Variants in VWA8 observed in about 807,000 individuals in gnomAD.
VWA8 encodes von Willebrand factor A domain containing 8, also known as von Willebrand factor A domain-containing protein 8.
In VWA8, 221 loss-of-function variants were observed where a neutral mutation model predicts 241.5. The ratio of observed to expected loss-of-function variants is 0.91; its 90% CI spans 0.82 to 1.02. VWA8 has a LOEUF of 1.02. Among genes scored for constraint, VWA8 ranks in the 50% least tolerant of loss-of-function variants. VWA8 has a pLI of 0.00. For missense variants in VWA8, 2,322 were observed against 2,328.7 expected (o/e 1.00, Z 0.06); for synonymous variants, 852 against 827.1 (o/e 1.03, Z -0.52).
At chr13:41,726,909 C>T (rs1396789866) in intron 24 of VWA8, among the ~76,000 whole-genome samples, 6 of 152,058 alleles carry the variant, frequency 3.9e-5, no homozygotes, top group Admixed American at 2.0e-4. Context: ...GCAGAAGAAT[C>T]GCTTGAACCC....
Position 41,587,629 on chromosome 13 carries a change from C to A in VWA8, c.5154G>T (p.Val1718=). The A allele has an allele frequency of 1.2e-6, 2 of 1,614,168 alleles. No homozygotes were observed. The highest frequency in any genetic ancestry group is 1.7e-6 in the Non-Finnish European group (2 of 1,180,024). Residue 1718 remains valine (V), a synonymous_variant, in exon 42 of 45, where the codon GTG becomes GTT. Transcript: ENST00000379310. ...PQQKPKRLRL[V]VDVSGSMYRF... is the part of the protein sequence containing the mutation. Reference sequence around the variant, plus strand: ...GGTACATGCTACCAGACACATCTACCACCAGGCGCAGACGCTTGGGTTTCT... The same window carrying A: ...GGTACATGCTACCAGACACATCTACAACCAGGCGCAGACGCTTGGGTTTCT...
chr13:41,573,486 A>AAATAAATAAATAAATAAATATATATATAT, intron 43 of VWA8, among the ~76,000 whole-genome samples: 4 of 113,614 alleles, frequency 3.5e-5, no homozygotes, highest in African/African-American at 1.4e-4. Context: ...AAAAAAAAAA[A>AAATAAATAAATAAATAAATATATATATAT]ATATATATAT....
At chr13:41,895,831 C>CTTTTTTTTTTTTTTT (rs59080554) in intron 4 of VWA8, among the ~76,000 whole-genome samples, 13 of 130,018 alleles carry the variant, frequency 1.0e-4, no homozygotes, top group Non-Finnish European at 1.5e-4. Context: ...TGCAAATTTT[C>CTTTTTTTTTTTTTTT]TTTTTTTTTT....
At chr13:41,627,366 A>G (rs992172787) in intron 37 of VWA8, among the ~76,000 whole-genome samples, 1 of 152,100 alleles carries the variant, frequency 6.6e-6, no homozygotes, top group Non-Finnish European at 1.5e-5. Context: ...GTTTTGTCCA[A>G]TTCTTTGTTC....
At chr13:41,959,147 AT>A (rs1878474162) in intron 1 of VWA8, among the ~76,000 whole-genome samples, 1 of 152,234 alleles carries the variant, frequency 6.6e-6, no homozygotes, top group South Asian at 2.1e-4. Context: ...CATACTAAGA[AT>A]AAAAAAGCTA....
intron 42 of VWA8, among the ~76,000 whole-genome samples, chr13:41,585,529 A>G (rs1187682398): frequency 2.0e-5 from 3 of 152,180 alleles, no homozygotes; most frequent in Non-Finnish European, 4.4e-5. Flanking sequence ...GAATCTGCCA[A>G]TTTTAATGGT....
At position 41,775,921 on chromosome 13, in the gene VWA8, T is replaced by C. The variant is rs115059644; in HGVS notation, c.2349+2064A>G. Among the ~76,000 whole-genome samples the C allele has an allele frequency of 4.6e-3, 702 of 152,244 alleles. 3 individuals are homozygous for C. The highest frequency in any genetic ancestry group is 0.024 in the Middle Eastern group (7 of 294). On this transcript the variant is annotated intron_variant, in intron 20 of 44. Coordinates refer to ENST00000379310, the MANE Select transcript of VWA8 (RefSeq NM_015058.2). ...CTCTGGTTACTGGCTAGGCATTAAC[T>C]TCAACCTTTTAAACTAGAAGACCCT...
rs555477949 is a variant in VWA8 at position 41,768,707 on chromosome 13, T to C, written c.2350-7503A>G. 3.7e-4 allele frequency among the ~76,000 whole-genome samples: 57 copies of C among 152,294 alleles called. 1 individual carries two copies. In the South Asian group the frequency reaches 0.012, roughly 31 times the overall value. ...AGTTACTTTTATAATATTTCCTCAATGGAAGTTCATCAATATTGGTATAAT... is the reference window on the plus strand; with the variant it reads ...AGTTACTTTTATAATATTTCCTCAACGGAAGTTCATCAATATTGGTATAAT... On this transcript the variant is annotated intron_variant, in intron 20 of 44. Transcript: ENST00000379310.
chr13:41,779,877 T>C (rs893002154), intron 19 of VWA8, among the ~76,000 whole-genome samples: 1 of 152,244 alleles, frequency 6.6e-6, no homozygotes, highest in African/African-American at 2.4e-5. Flanking sequence ...TCTAACTAGA[T>C]TATTCAAGTC....
intron 2 of VWA8, among the ~76,000 whole-genome samples, chr13:41,919,821 C>T (rs1876428241): frequency 6.6e-6 from 1 of 152,084 alleles, no homozygotes; most frequent in African/African-American, 2.4e-5. Flanking sequence ...ACACTGTACC[C>T]TGCCTCTCAG....
At chr13:41,695,098 T>C (rs751929948) in intron 29 of VWA8, among the ~76,000 whole-genome samples, 1 of 152,158 alleles carries the variant, frequency 6.6e-6, no homozygotes, top group Non-Finnish European at 1.5e-5. Flanking sequence ...AACTGTGGCT[T>C]TGGCACTCCT....
chr13:41,582,862 G>C (rs1050161241), intron 42 of VWA8, among the ~76,000 whole-genome samples: 1 of 152,134 alleles, frequency 6.6e-6, no homozygotes, highest in African/African-American at 2.4e-5. Flanking sequence ...GCTGAGAGGG[G>C]GCGGGCAGTG....
chr13:41,605,681 C>T (rs146785132), intron 39 of VWA8, among the ~76,000 whole-genome samples: 2 of 152,080 alleles, frequency 1.3e-5, no homozygotes, highest in East Asian at 1.9e-4. Context: ...TGTTTGCAGC[C>T]GATCAGTTCA....
chr13:41,851,328 G>C (rs1872524964), intron 12 of VWA8, among the ~76,000 whole-genome samples: 1 of 152,228 alleles, frequency 6.6e-6, no homozygotes. Context: ...GTGAGATAAT[G>C]TAGTATTTGC....
intron 5 of VWA8, 35 bp downstream of exon 5, chr13:41,891,385 A>G (rs1216990720): frequency 1.2e-6 from 2 of 1,612,814 alleles, no homozygotes; most frequent in Non-Finnish European, 1.7e-6. Flanking sequence ...ATAGCTTGAC[A>G]GCAAAGACAA....
chr13:41,868,542 C>T, intron 9 of VWA8, 65 bp from the exon 10 acceptor site: 1 of 1,497,124 alleles, frequency 6.7e-7, no homozygotes, highest in African/African-American at 1.4e-5. Flanking sequence ...GGCTATCTGA[C>T]AGATTACACC....
chr13:41,740,469 G>A (rs542061698), intron 21 of VWA8, among the ~76,000 whole-genome samples: 2 of 152,324 alleles, frequency 1.3e-5, no homozygotes, highest in East Asian at 3.9e-4. Context: ...TTGAACTGAA[G>A]ACGGCTATCG....
intron 2 of VWA8, among the ~76,000 whole-genome samples, chr13:41,944,406 G>A (rs990276205): frequency 6.6e-6 from 1 of 152,034 alleles, no homozygotes; most frequent in African/African-American, 2.4e-5. Context: ...TCACTCTGTT[G>A]TTCAAGCAGG....
At chr13:41,879,265 T>C (rs753466612) in intron 9 of VWA8, among the ~76,000 whole-genome samples, 3 of 152,082 alleles carry the variant, frequency 2.0e-5, no homozygotes, top group African/African-American at 2.4e-5. Context: ...CTTGAGCCTA[T>C]GAATTAATCT....
Sources: gnomAD v4.1 joint callset for allele counts (sites outside exome capture counted in the v4.1 genomes callset) on GRCh38, gnomAD v4.1.1 for gene constraint, MANE v1.5 for transcripts, NCBI Gene and HGNC (gene_info 2026-07-23, HGNC 2026-07-21) for gene names.